Variants in STARD13 observed in about 807,000 individuals in gnomAD.
The protein encoded by STARD13 is StAR related lipid transfer domain containing 13.
Under a neutral mutation model 106.4 loss-of-function variants are expected in STARD13, and 62 were observed. That is an observed-to-expected ratio of 0.58 (90% CI 0.48 to 0.72). STARD13 has a LOEUF of 0.72. STARD13 is among the 30% of genes least tolerant of loss of function. The pLI, the probability that STARD13 is intolerant of heterozygous loss-of-function variation, is 0.00. For synonymous variants in STARD13, 565 were observed against 553.0 expected, an observed-to-expected ratio of 1.02 and a Z score of -0.31; for missense variants, 1,387 against 1,424.0, an observed-to-expected ratio of 0.97 and a Z score of 0.42.
chr13:33,638,557 C>A, the STARD13 span, among the ~76,000 whole-genome samples: 4 of 152,052 alleles, frequency 2.6e-5, no homozygotes, highest in Admixed American at 2.0e-4. Context: ...AGACCAAGTT[C>A]CTTATCATGC....
chr13:33,439,038 G>T, the STARD13 span, among the ~76,000 whole-genome samples: 1 of 152,168 alleles, frequency 6.6e-6, no homozygotes, highest in Non-Finnish European at 1.5e-5. Context: ...CTTTGAAGGG[G>T]TTCCTTTCTA....
rs138220537 is a variant in STARD13 at position 33,298,689 on chromosome 13, G to T, written c.124+51601C>A. On this transcript the variant is annotated intron_variant, in intron 1 of 5. Transcript: ENST00000567873. Reference sequence around the variant, plus strand: ...GTATATAAACAGACCAAGTCTATATGATTATCAATTCCTTTTCTATTATTT... The same window carrying T: ...GTATATAAACAGACCAAGTCTATATTATTATCAATTCCTTTTCTATTATTT... 1.2e-4 allele frequency among the ~76,000 whole-genome samples: 18 copies of T among 152,168 alleles called. No individual in the cohort carries two copies. In the South Asian group the frequency reaches 1.5e-3, roughly 12 times the overall value.
At chr13:33,175,814 T>A (rs1188364869) in intron 1 of STARD13, among the ~76,000 whole-genome samples, 1 of 152,168 alleles carries the variant, frequency 6.6e-6, no homozygotes, top group Non-Finnish European at 1.5e-5. Context: ...AAAATGCGTG[T>A]TTTTAGGGAT....
At chr13:33,443,195 G>A in the STARD13 span, among the ~76,000 whole-genome samples, 2 of 151,948 alleles carry the variant, frequency 1.3e-5, no homozygotes, top group African/African-American at 4.8e-5. Context: ...GGCTAACACG[G>A]TGAAGACCCG....
intron 1 of STARD13, among the ~76,000 whole-genome samples, chr13:33,200,983 G>C (rs976000640): frequency 1.3e-5 from 2 of 151,692 alleles, no homozygotes; most frequent in Non-Finnish European, 1.5e-5. Context: ...CCGAGATTGT[G>C]CCACTGCACT....
chr13:33,636,535 G>A, the STARD13 span, among the ~76,000 whole-genome samples: 4 of 152,244 alleles, frequency 2.6e-5, no homozygotes, highest in African/African-American at 9.6e-5. Flanking sequence ...CCCTAATTAT[G>A]GGACTATTCA....
the STARD13 span, among the ~76,000 whole-genome samples, chr13:33,608,926 A>G: frequency 2.6e-5 from 4 of 151,738 alleles, no homozygotes; most frequent in Non-Finnish European, 5.9e-5. Context: ...CTCTACTAAA[A>G]ATACAAAAAA....
chr13:33,323,776 G>A (rs1893644256), intron 1 of STARD13, among the ~76,000 whole-genome samples: 1 of 152,084 alleles, frequency 6.6e-6, no homozygotes, highest in Non-Finnish European at 1.5e-5. Flanking sequence ...AGACCACTTG[G>A]CTCCACAAAA....
the STARD13 span, among the ~76,000 whole-genome samples, chr13:33,416,624 T>C: frequency 1.4e-4 from 21 of 152,346 alleles, no homozygotes; most frequent in Non-Finnish European, 1.3e-4. Flanking sequence ...CAAGTGATGC[T>C]GGAACTAGAT....
the STARD13 span, among the ~76,000 whole-genome samples, chr13:33,384,932 A>G: frequency 6.6e-6 from 1 of 151,758 alleles, no homozygotes; most frequent in South Asian, 2.1e-4. Flanking sequence ...ATAGAAAGAG[A>G]CTCCAAAGAA....
chr13:33,521,263 G>A, the STARD13 span, among the ~76,000 whole-genome samples: 1 of 152,070 alleles, frequency 6.6e-6, no homozygotes. Flanking sequence ...AGGCTAGCCT[G>A]TGAAACTAAG....
chr13:33,514,346 C>T, the STARD13 span, among the ~76,000 whole-genome samples: 1 of 152,040 alleles, frequency 6.6e-6, no homozygotes, highest in Non-Finnish European at 1.5e-5. Flanking sequence ...GGTCTGTTTG[C>T]TTGAAGGATC....
At chr13:33,158,249 G>A (rs1882209336) in intron 3 of STARD13, among the ~76,000 whole-genome samples, 1 of 152,192 alleles carries the variant, frequency 6.6e-6, no homozygotes, top group Non-Finnish European at 1.5e-5. Context: ...CAGAGCCTCA[G>A]AGCCAGGCCT....
intron 12 of STARD13, among the ~76,000 whole-genome samples, chr13:33,108,741 C>T (rs1874114632): frequency 6.6e-6 from 1 of 152,188 alleles, no homozygotes; most frequent in African/African-American, 2.4e-5. Flanking sequence ...TCAGCCTCCT[C>T]TGGAGGGAGG....
At chr13:33,614,944 C>T in the STARD13 span, among the ~76,000 whole-genome samples, 3 of 152,312 alleles carry the variant, frequency 2.0e-5, no homozygotes, top group African/African-American at 7.2e-5. Flanking sequence ...TTTTTGGAAA[C>T]TGTCAGGGTC....
At chr13:33,299,398 C>T (rs1312581272) in intron 1 of STARD13, among the ~76,000 whole-genome samples, 1 of 152,176 alleles carries the variant, frequency 6.6e-6, no homozygotes, top group Non-Finnish European at 1.5e-5. Flanking sequence ...CACTTTTTAT[C>T]CAAACACTTC....
At chr13:33,306,230 G>C (rs1892898823) in intron 1 of STARD13, among the ~76,000 whole-genome samples, 2 of 152,188 alleles carry the variant, frequency 1.3e-5, no homozygotes, top group Admixed American at 1.3e-4. Context: ...ATGGGGAAAG[G>C]ATTCCCTACT....
chr13:33,254,624 A>G (rs1890250002), intron 1 of STARD13, among the ~76,000 whole-genome samples: 1 of 152,182 alleles, frequency 6.6e-6, no homozygotes, highest in Admixed American at 6.5e-5. Context: ...CTGTACCCAT[A>G]TAAATCCCGA....
chr13:33,645,145 A>C, the STARD13 span, among the ~76,000 whole-genome samples: 1 of 152,016 alleles, frequency 6.6e-6, no homozygotes, highest in Non-Finnish European at 1.5e-5. Flanking sequence ...ACTTATGTTG[A>C]CTGATAAGAT....
Sources: allele counts gnomAD v4.1 joint callset (sites outside exome capture counted in the v4.1 genomes callset), GRCh38; gene constraint gnomAD v4.1.1; transcripts MANE v1.5; gene names NCBI Gene and HGNC (gene_info 2026-07-23, HGNC 2026-07-21).